The following CSTF3 variants were observed in gnomAD, a reference collection of about 807,000 sequenced individuals.
CSTF3 encodes the protein CF-1 77 kDa subunit.
In CSTF3, 29 loss-of-function variants were observed where a neutral mutation model predicts 105.8. The ratio of observed to expected loss-of-function variants is 0.27; its 90% CI spans 0.20 to 0.37. The LOEUF (loss-of-function observed/expected upper bound fraction) is 0.37, where lower values mean the gene tolerates loss of function less well. Among genes scored for constraint, CSTF3 ranks in the 10% least tolerant of loss-of-function variants. CSTF3 has a pLI of 1.00. For synonymous variants in CSTF3, 252 were observed against 281.9 expected (o/e 0.89, Z 1.06); for missense variants, 357 against 879.3 (o/e 0.41, Z 7.51).
Position 33,141,999 on chromosome 11 carries a change from A to C in CSTF3, c.28-13T>G, listed in dbSNP as rs749002773. Reference sequence around the variant, plus strand: ...CATACTCAGCTGCCTGGGGAAAAAAAACAACAGTGAACTAAAGTTACTGTT... The same window carrying C: ...CATACTCAGCTGCCTGGGGAAAAAACACAACAGTGAACTAAAGTTACTGTT... On this transcript the variant is annotated splice_polypyrimidine_tract_variant and intron_variant, in intron 1 of 20. Transcript: ENST00000323959. 6.2e-7 allele frequency: 1 copy of C among 1,613,586 alleles called. No individual in the cohort carries two copies. Among genetic ancestry groups the C allele is most frequent in the Non-Finnish European group, 8.5e-7 (1 of 1,179,728 alleles).
chr11:33,151,445 C>A (rs984925400), intron 1 of CSTF3, among the ~76,000 whole-genome samples: 4 of 152,160 alleles, frequency 2.6e-5, no homozygotes, highest in African/African-American at 9.7e-5. Context: ...CTCGGCCTCT[C>A]AAAGTGTTGG....
intron 1 of CSTF3, among the ~76,000 whole-genome samples, chr11:33,158,575 T>C (rs1357037167): frequency 6.6e-6 from 1 of 152,166 alleles, no homozygotes; most frequent in Non-Finnish European, 1.5e-5. Context: ...GGTTATCAAC[T>C]CACAGATTAT....
At chr11:33,152,935 G>GC (rs1432722601) in intron 1 of CSTF3, among the ~76,000 whole-genome samples, 1 of 151,604 alleles carries the variant, frequency 6.6e-6, no homozygotes, top group Non-Finnish European at 1.5e-5. Flanking sequence ...TCCAGCCTGA[G>GC]CAAGAGTGAG....
intron 3 of CSTF3, among the ~76,000 whole-genome samples, chr11:33,113,873 T>C (rs191911770): frequency 7.9e-5 from 12 of 151,886 alleles, no homozygotes; most frequent in East Asian, 5.8e-4. Flanking sequence ...CTGGGCAACA[T>C]AGCAAGGCCC....
At chr11:33,161,271 AC>A (rs1309762626) in intron 1 of CSTF3, 27 bp downstream of exon 1, 1 of 1,612,544 alleles carries the variant, frequency 6.2e-7, no homozygotes, top group Non-Finnish European at 8.5e-7. Flanking sequence ...AGAGGTCGCC[AC>A]GAGGCCCCAC....
chr11:33,158,925 G>C (rs1477000206), intron 1 of CSTF3, among the ~76,000 whole-genome samples: 1 of 151,966 alleles, frequency 6.6e-6, no homozygotes, highest in Non-Finnish European at 1.5e-5. Context: ...GGAGAAGAAT[G>C]GTGAGACTAC....
intron 1 of CSTF3, 143 bp downstream of exon 1, chr11:33,161,156 C>T: frequency 1.3e-6 from 1 of 747,082 alleles, no homozygotes; most frequent in East Asian, 2.8e-5. Flanking sequence ...GATCTTGCTC[C>T]CCATTCCCAC....
chr11:33,113,776 C>A (rs1162739540), intron 3 of CSTF3, among the ~76,000 whole-genome samples: 1 of 151,910 alleles, frequency 6.6e-6, no homozygotes, highest in Non-Finnish European at 1.5e-5. Context: ...TGGTTAACGG[C>A]CAGGTGCAGT....
intron 12 of CSTF3, 123 bp from the exon 13 acceptor site, chr11:33,098,887 A>G: frequency 1.4e-5 from 19 of 1,310,750 alleles, no homozygotes; most frequent in Non-Finnish European, 1.9e-5. Flanking sequence ...GCATAAATAT[A>G]GTATAAGCTG....
intron 8 of CSTF3, among the ~76,000 whole-genome samples, chr11:33,104,289 C>T (rs911016643): frequency 2.6e-5 from 4 of 152,250 alleles, no homozygotes; most frequent in African/African-American, 7.2e-5. Flanking sequence ...AACACTAAGA[C>T]ATTATTTGCC....
rs561960717 is a variant in CSTF3, at chr11:33,133,959, C to T, written c.225+7708G>A. Reference sequence around the variant, plus strand: ...ATAACATAGACTGCAGATTATTCTACTAATGTTACATTTCCTGAATTGCAT... The same window carrying T: ...ATAACATAGACTGCAGATTATTCTATTAATGTTACATTTCCTGAATTGCAT... On this transcript the variant is annotated intron_variant, in intron 3 of 20. Transcript: ENST00000323959. Among the ~76,000 whole-genome samples the T allele has an allele frequency of 4.6e-5, 7 of 152,256 alleles. No individual in the cohort carries two copies. In the South Asian group the frequency reaches 1.2e-3, roughly 27 times the overall value.
At chr11:33,122,599 T>G (rs190432957) in intron 3 of CSTF3, among the ~76,000 whole-genome samples, 1 of 152,106 alleles carries the variant, frequency 6.6e-6, no homozygotes, top group Admixed American at 6.5e-5. Context: ...GAAGAAATAC[T>G]TAAGCACAAA....
chr11:33,145,627 CA>C (rs1216033228), intron 1 of CSTF3, among the ~76,000 whole-genome samples: 2 of 151,830 alleles, frequency 1.3e-5, no homozygotes, highest in Non-Finnish European at 2.9e-5. Context: ...TCCTGGCTAA[CA>C]GGGTGAAACC....
At position 33,158,812 on chromosome 11, in the gene CSTF3, C is replaced by T. The variant is rs149050221; in HGVS notation, c.27+2487G>A. Among the ~76,000 whole-genome samples, 11 of 152,138 alleles carry T rather than the reference C, an allele frequency of 7.2e-5. 1 individual carries two copies. The highest frequency in any genetic ancestry group is 2.7e-4 in the African/African-American group (11 of 41,498). On this transcript the variant is annotated intron_variant, in intron 1 of 20. Coordinates refer to ENST00000323959, the MANE Select transcript of CSTF3 (RefSeq NM_001326.3). ...GGACAAGTTAAATGACATCATCAAC[C>T]CCCAAACCAAAAGCAAGCAAGCAAA...
rs752507894 is a variant in CSTF3 at position 33,105,647 on chromosome 11, G to A, written c.505C>T (p.Arg169Ter). ...YAENQRITAV[R>*]RVYQRGCVNP... The stretch of plus-strand genomic sequence containing the variant: ...ACACAACCTCGTTGATAAACTCTTC[G>A]GACAGCTGTTATTCTTTGATTTTCT... Residue 169 changes from arginine to a stop codon, truncating the protein, a stop_gained, in exon 8 of 21, where the codon CGA becomes TGA. Transcript: ENST00000323959. LOFTEE classifies it high-confidence loss of function. 3 of 1,613,036 alleles carry A rather than the reference G, an allele frequency of 1.9e-6. No homozygotes were observed. The highest frequency in any genetic ancestry group is 2.5e-6 in the Non-Finnish European group (3 of 1,179,276).
At chr11:33,126,813 C>T (rs558272543) in intron 3 of CSTF3, among the ~76,000 whole-genome samples, 181 of 152,204 alleles carry the variant, frequency 1.2e-3, no homozygotes, top group Non-Finnish European at 2.1e-3. Context: ...ATTATTGTAG[C>T]TTCCTGGAAT....
chr11:33,155,217 G>T (rs140779429), intron 1 of CSTF3, among the ~76,000 whole-genome samples: 2 of 151,732 alleles, frequency 1.3e-5, no homozygotes, highest in Admixed American at 6.6e-5. Flanking sequence ...TTAGCTGGGC[G>T]TGAGGGCGTG....
chr11:33,087,289 TA>T, intron 17 of CSTF3, 148 bp from the exon 18 acceptor site: 1 of 776,090 alleles, frequency 1.3e-6, no homozygotes, highest in Admixed American at 2.7e-5. Flanking sequence ...CTAATGATGG[TA>T]AAGATTGTTA....
chr11:33,116,079 C>A (rs1855428517), intron 3 of CSTF3, among the ~76,000 whole-genome samples: 1 of 152,082 alleles, frequency 6.6e-6, no homozygotes, highest in South Asian at 2.1e-4. Context: ...AAATTATAGA[C>A]CACTGTGAAG....
Sources: allele counts gnomAD v4.1 joint callset (sites outside exome capture counted in the v4.1 genomes callset), GRCh38; gene constraint gnomAD v4.1.1; transcripts MANE v1.5; gene names NCBI Gene and HGNC (gene_info 2026-07-23, HGNC 2026-07-21).